Variants in RELB observed in about 807,000 individuals in gnomAD.
RELB encodes transcription factor RelB.
In RELB, 14 loss-of-function variants were observed where a neutral mutation model predicts 55.4. The ratio of observed to expected loss-of-function variants is 0.25; its 90% CI spans 0.17 to 0.40. The LOEUF (loss-of-function observed/expected upper bound fraction) is 0.40, where lower values mean the gene tolerates loss of function less well. Among genes scored for constraint, RELB ranks in the 10% least tolerant of loss-of-function variants. The pLI, the probability that RELB is intolerant of heterozygous loss-of-function variation, is 1.00. For missense variants in RELB, 669 were observed against 830.7 expected, an observed-to-expected ratio of 0.81 and a Z score of 2.39; for synonymous variants, 409 against 371.3, an observed-to-expected ratio of 1.10 and a Z score of -1.17.
At chr19:45,017,885 T>C (rs1312276729) in intron 4 of RELB, among the ~76,000 whole-genome samples, 1 of 149,234 alleles carries the variant, frequency 6.7e-6, no homozygotes, top group Non-Finnish European at 1.5e-5. Flanking sequence ...CCTCAGGTGA[T>C]CCACCCGCCT....
chr19:45,034,415 C>T (rs369457301), intron 10 of RELB, 36 bp from the exon 11 acceptor site: 23 of 1,609,762 alleles, frequency 1.4e-5, no homozygotes, highest in African/African-American at 2.7e-5. Flanking sequence ...GAAGGGCTGT[C>T]GGGGAACAGG....
chr19:45,030,600 C>A (rs950478526), intron 8 of RELB, among the ~76,000 whole-genome samples: 1 of 152,096 alleles, frequency 6.6e-6, no homozygotes, highest in African/African-American at 2.4e-5. Flanking sequence ...CCATTGCACA[C>A]CAGCCTGGGC....
At position 45,001,613 on chromosome 19, in the gene RELB, G is replaced by A. The variant is rs1295936642; in HGVS notation, c.34G>A (p.Val12Ile). The A allele has an allele frequency of 1.3e-6, 2 of 1,516,120 alleles. No individual in the cohort carries two copies. The highest frequency in any genetic ancestry group is 2.0e-5 in the Admixed American group (1 of 49,482). The allele number at this position is 1,516,120 out of a possible 1,614,324, so 93.9% of individuals were successfully genotyped here. A position where few individuals can be genotyped will look rare whatever the true frequency, so the allele number is the denominator to read the frequency against. ...GTCTGGGCCAGCCTCTGGGCCGTCC[G>A]TCCCCACTGGCCGGGCCATGCCGAG... ...LRSGPASGPSVPTGRAMPSRR... is the reference protein window; with the variant it reads ...LRSGPASGPSIPTGRAMPSRR... The change falls in exon 1 of 12, where the codon GTC becomes ATC. Residue 12 changes from valine (V) to isoleucine (I), a missense_variant. Physicochemically the swap from Val to Ile is conservative, Grantham distance 29. This residue lies in a region of RELB where 323 missense variants were observed against 368.5 expected (regional missense o/e 0.88). Coordinates refer to ENST00000221452, the MANE Select transcript of RELB (RefSeq NM_006509.4).
At chr19:45,020,914 C>T (rs1971477586) in intron 4 of RELB, among the ~76,000 whole-genome samples, 1 of 152,102 alleles carries the variant, frequency 6.6e-6, no homozygotes, top group African/African-American at 2.4e-5. Flanking sequence ...GTGGCTCATG[C>T]CTGTCATCCC....
chr19:45,026,950 C>A (rs1971565438), intron 7 of RELB, among the ~76,000 whole-genome samples: 2 of 152,194 alleles, frequency 1.3e-5, no homozygotes, highest in African/African-American at 2.4e-5. Context: ...CCCAACTTAG[C>A]CGGGCGAGGT....
chr19:45,034,999 C>T (rs1056845244), intron 11 of RELB, among the ~76,000 whole-genome samples: 3 of 151,912 alleles, frequency 2.0e-5, no homozygotes, highest in African/African-American at 2.4e-5. Context: ...CACCACCACA[C>T]CTGGCTAATT....
chr19:45,020,398 A>G (rs1293626160), intron 4 of RELB, among the ~76,000 whole-genome samples: 1 of 150,692 alleles, frequency 6.6e-6, no homozygotes, highest in Non-Finnish European at 1.5e-5. Flanking sequence ...TAATTTTTGT[A>G]TTTTTTATAG....
At chr19:45,012,471 C>T (rs1200720500) in intron 4 of RELB, among the ~76,000 whole-genome samples, 195 bp downstream of exon 4, 1 of 152,138 alleles carries the variant, frequency 6.6e-6, no homozygotes, top group Non-Finnish European at 1.5e-5. Flanking sequence ...TGGCTGGGCA[C>T]GGTGACTCGC....
intron 4 of RELB, among the ~76,000 whole-genome samples, chr19:45,014,010 T>C (rs945417881): frequency 5.3e-5 from 8 of 152,206 alleles, no homozygotes; most frequent in African/African-American, 1.9e-4. Context: ...TTGGTGATGC[T>C]GAGTTGGATC....
Position 45,037,761 on chromosome 19 carries a change from C to T in RELB, c.1711C>T (p.Leu571Phe). Residue 571 changes from leucine (L) to phenylalanine (F), a missense_variant, in exon 12 of 12, where the codon CTC becomes TTC. Transcript: ENST00000221452. ...CCGCGAGGCGGCCTTTGGGGGCGGCCTCCTATCCCCGGGGCCTGAAGCCAC... is the reference window on the plus strand; with the variant it reads ...CCGCGAGGCGGCCTTTGGGGGCGGCTTCCTATCCCCGGGGCCTGAAGCCAC... ...HYREAAFGGG[L>F]LSPGPEAT is the part of the protein sequence containing the mutation. The T allele has an allele frequency of 6.7e-7, 1 of 1,488,248 alleles. No homozygotes were observed. The highest frequency in any genetic ancestry group is 8.9e-7 in the Non-Finnish European group (1 of 1,121,970). 92.2% of individuals were successfully genotyped at this position (1,488,248 alleles called of 1,614,324 possible). A position where few individuals can be genotyped will look rare whatever the true frequency, so the allele number is the denominator to read the frequency against.
chr19:45,009,902 A>T lies in RELB; in HGVS notation c.163+80A>T. On this transcript the variant is annotated intron_variant, in intron 3 of 11. Transcript: ENST00000221452. ...AAGGGGGTCTTGGCCTTCCTTGTTCAGTGGGGGTGGGGGAGAGGTGTCACT... is the reference window on the plus strand; with the variant it reads ...AAGGGGGTCTTGGCCTTCCTTGTTCTGTGGGGGTGGGGGAGAGGTGTCACT... 261 of 1,223,510 alleles carry T rather than the reference A, an allele frequency of 2.1e-4. 3 individuals are homozygous for T. The highest frequency in any genetic ancestry group is 3.9e-4 in the Middle Eastern group (2 of 5,146). The allele number at this position is 1,223,510 out of a possible 1,614,324, so 75.8% of individuals were successfully genotyped here. A position where few individuals can be genotyped will look rare whatever the true frequency, so the allele number is the denominator to read the frequency against.
intron 2 of RELB, 43 bp downstream of exon 2, chr19:45,003,039 A>C: frequency 6.3e-7 from 1 of 1,591,004 alleles, no homozygotes; most frequent in Non-Finnish European, 8.6e-7. Flanking sequence ...CTCATGCAGG[A>C]TGAGGTTGGG....
chr19:45,019,327 G>A (rs1971456494), intron 4 of RELB, among the ~76,000 whole-genome samples: 1 of 151,978 alleles, frequency 6.6e-6, no homozygotes, highest in African/African-American at 2.4e-5. Context: ...CCTCCAAAAA[G>A]TGCTGGGATT....
chr19:45,012,746 G>GAA (rs145397577), intron 4 of RELB, among the ~76,000 whole-genome samples: 97 of 142,214 alleles, frequency 6.8e-4, no homozygotes, highest in South Asian at 9.0e-4. Context: ...CAAAAAAAAA[G>GAA]AAAAAAAAAA....
In RELB at chr19:45,012,022, T is replaced by C. The variant is rs754432034; in HGVS notation, c.250T>C (p.Ser84Pro). ...GGGCGAGGGGCTGCCACGCCTGGTG[T>C]CTCGCGGGGCTGCGTCCCTGAGCAC... ...GPGEGLPRLV[S>P]RGAASLSTVT... Residue 84 changes from serine (S) to proline (P), a missense_variant, in exon 4 of 12, where the codon TCT becomes CCT. Physicochemically the swap from Ser to Pro is moderately conservative, Grantham distance 74. Coordinates refer to ENST00000221452, the MANE Select transcript of RELB (RefSeq NM_006509.4). 267 of 1,573,528 alleles carry C rather than the reference T, an allele frequency of 1.7e-4. 1 individual carries two copies. The highest frequency in any genetic ancestry group is 2.2e-4 in the Non-Finnish European group (253 of 1,163,950).
intron 2 of RELB, chr19:45,008,827 G>A (rs554572857): frequency 3.1e-4 from 87 of 280,808 alleles, no homozygotes; most frequent in African/African-American, 1.6e-3. Flanking sequence ...GCTCACTGGC[G>A]GCCTCTGGGC....
intron 4 of RELB, among the ~76,000 whole-genome samples, chr19:45,014,859 T>C (rs535131357): frequency 2.3e-4 from 35 of 150,848 alleles, no homozygotes; most frequent in Non-Finnish European, 4.4e-4. Context: ...GAATGGTAAA[T>C]GCCTAACCAT....
intron 2 of RELB, among the ~76,000 whole-genome samples, chr19:45,008,948 A>G (rs915260512): frequency 2.0e-5 from 3 of 152,186 alleles, no homozygotes; most frequent in African/African-American, 7.2e-5. Context: ...CTGAGGACCC[A>G]GCATTACTGT....
intron 2 of RELB, among the ~76,000 whole-genome samples, chr19:45,004,514 G>A (rs937134025): frequency 1.7e-4 from 25 of 145,912 alleles, no homozygotes; most frequent in Admixed American, 1.4e-4. Context: ...GCGAGCCACC[G>A]TGCCTGGCCA....
Sources: gnomAD v4.1 joint callset for allele counts (sites outside exome capture counted in the v4.1 genomes callset) on GRCh38, gnomAD v4.1.1 for gene constraint, gnomAD v4.1.1 regional missense constraint, MANE v1.5 for transcripts, NCBI Gene and HGNC (gene_info 2026-07-23, HGNC 2026-07-21) for gene names.